Variants in MEAF6 observed in about 807,000 individuals in gnomAD.
The protein encoded by MEAF6 is MYST/Esa1 associated factor 6, also known as chromatin modification-related protein MEAF6.
In MEAF6, 15 loss-of-function variants were observed where a neutral mutation model predicts 28.9. That is an observed-to-expected ratio of 0.52 (90% confidence interval 0.35 to 0.80). The LOEUF (loss-of-function observed/expected upper bound fraction) is 0.80, where lower values mean the gene tolerates loss of function less well. Among genes scored for constraint, MEAF6 ranks in the 30% least tolerant of loss-of-function variants. The pLI is 0.01. For missense variants in MEAF6, 178 were observed against 237.5 expected (o/e 0.75, Z 1.65); for synonymous variants, 97 against 88.7 (o/e 1.09, Z -0.53).
At chr1:37,502,760 G>A (rs942404383) in intron 4 of MEAF6, among the ~76,000 whole-genome samples, 2 of 151,698 alleles carry the variant, frequency 1.3e-5, no homozygotes, top group Non-Finnish European at 2.9e-5. Context: ...TGGGACTGCA[G>A]GTGCCCATAA....
intron 5 of MEAF6, among the ~76,000 whole-genome samples, chr1:37,499,782 G>C (rs1271339686): frequency 6.6e-6 from 1 of 152,154 alleles, no homozygotes; most frequent in Non-Finnish European, 1.5e-5. Flanking sequence ...AAGAAGTATT[G>C]TTCCTATGGA....
Position 37,493,864 on chromosome 1 carries a change from G to T in MEAF6, c.*235C>A. 1.3e-6 allele frequency: 2 copies of T among 1,555,402 alleles called. No homozygotes were observed. The highest frequency in any genetic ancestry group is 1.7e-6 in the Non-Finnish European group (2 of 1,150,658). On this transcript the variant is annotated 3_prime_UTR_variant, in exon 7 of 7. Transcript: ENST00000296214. Reference sequence around the variant, plus strand: ...AGCAACTTGCTGGGATTACAACATTGTCTTCATCTTCCTGCAGTTCTGTTA... The same window carrying T: ...AGCAACTTGCTGGGATTACAACATTTTCTTCATCTTCCTGCAGTTCTGTTA...
chr1:37,490,205 CTAAGTG>C lies in MEAF6; in HGVS notation c.*3888_*3893del, dbSNP rs1481228513. On this transcript the variant is annotated 3_prime_UTR_variant, in exon 7 of 7. Coordinates refer to ENST00000296214, the MANE Select transcript of MEAF6 (RefSeq NM_001270875.3). ...CCTCTTCCCCTTGGAGGCCACTGCC[CTAAGTG>C]AGGATCAGCATCGACTCCACCACAG... Among the ~76,000 whole-genome samples the C allele has an allele frequency of 1.1e-3, 163 of 151,924 alleles. 1 individual carries two copies. Among genetic ancestry groups the C allele is most frequent in the African/African-American group, 3.5e-3 (143 of 41,410 alleles).
In MEAF6 at chr1:37,495,914, C is replaced by T; in HGVS notation, c.538G>A (p.Asp180Asn). The T allele has an allele frequency of 6.2e-7, 1 of 1,613,764 alleles. No individual in the cohort carries two copies. Among genetic ancestry groups the T allele is most frequent in the Non-Finnish European group, 8.5e-7 (1 of 1,179,778 alleles). The change falls in exon 6 of 7, where the codon GAT becomes AAT. Residue 180 changes from aspartate (D) to asparagine (N), a missense_variant. This residue lies in a region of MEAF6 where 124 missense variants were observed against 200.5 expected (regional missense o/e 0.62). Coordinates refer to ENST00000296214, the MANE Select transcript of MEAF6 (RefSeq NM_001270875.3). The stretch of plus-strand genomic sequence containing the variant: ...CGTGGTTTTTTGTTTAACTTCAGAT[C>T]AATCCTGTGACAGAAAAGATAAAAG... ...KRKNKNRHRI[D>N]LKLNKKPRAD...
At chr1:37,504,663 T>C (rs1488404536) in intron 4 of MEAF6, among the ~76,000 whole-genome samples, 8 of 150,454 alleles carry the variant, frequency 5.3e-5, no homozygotes, top group African/African-American at 1.2e-4. Context: ...TCCCAGCTAC[T>C]TGGGAGGCTG....
intron 4 of MEAF6, among the ~76,000 whole-genome samples, chr1:37,507,516 A>G (rs1642526001): frequency 6.6e-6 from 1 of 152,062 alleles, no homozygotes; most frequent in Non-Finnish European, 1.5e-5. Flanking sequence ...AGGACTTGGT[A>G]TAATTGATGA....
intron 5 of MEAF6, 128 bp downstream of exon 5, chr1:37,501,676 G>T: frequency 2.2e-6 from 2 of 925,240 alleles, no homozygotes; most frequent in East Asian, 2.6e-5. Context: ...CGTTCACTTG[G>T]ACCTAATGAC....
chr1:37,491,005 C>G lies in MEAF6; in HGVS notation c.*3094G>C, dbSNP rs12118749. ...TTGTGCCACTGCACTCCAGCCTGGA[C>G]GACAGAGCAAGACTCTGTCTCAAAA... On this transcript the variant is annotated 3_prime_UTR_variant, in exon 7 of 7. Coordinates refer to ENST00000296214, the MANE Select transcript of MEAF6 (RefSeq NM_001270875.3). Among the ~76,000 whole-genome samples the G allele has an allele frequency of 0.053, 8,009 of 151,934 alleles. 262 individuals carry two copies. Among genetic ancestry groups the G allele is most frequent in the South Asian group, 0.14 (658 of 4,798 alleles).
intron 5 of MEAF6, among the ~76,000 whole-genome samples, chr1:37,498,821 T>C (rs760120234): frequency 6.6e-6 from 1 of 152,086 alleles, no homozygotes; most frequent in East Asian, 1.9e-4. Flanking sequence ...TTCAGAACAA[T>C]GTGATCACTT....
intron 5 of MEAF6, chr1:37,496,598 T>C (rs41267301): frequency 1.8e-5 from 27 of 1,518,448 alleles, no homozygotes; most frequent in Non-Finnish European, 2.3e-5. Context: ...TAACCTAATA[T>C]ACATACCTAC....
chr1:37,513,150 T>TA (rs1191185282), intron 2 of MEAF6, among the ~76,000 whole-genome samples: 2 of 152,158 alleles, frequency 1.3e-5, no homozygotes, highest in Non-Finnish European at 2.9e-5. Context: ...TTAAAATGTG[T>TA]AAAAAATTTA....
intron 1 of MEAF6, 96 bp downstream of exon 1, chr1:37,514,561 C>G: frequency 9.7e-6 from 9 of 932,300 alleles, no homozygotes; most frequent in Non-Finnish European, 1.3e-5. Flanking sequence ...GCCGCGCCCC[C>G]GGAGTAACAA....
intron 6 of MEAF6, 80 bp downstream of exon 6, chr1:37,495,805 T>C: frequency 7.2e-7 from 1 of 1,385,680 alleles, no homozygotes; most frequent in Non-Finnish European, 1.0e-6. Context: ...TTAGGAACAC[T>C]CAAGCTCTGA....
chr1:37,500,081 T>C lies in MEAF6; in HGVS notation c.533+1723A>G, dbSNP rs538746804. Among the ~76,000 whole-genome samples the C allele has an allele frequency of 2.4e-4, 36 of 152,252 alleles. 1 individual carries two copies. In the South Asian group the frequency reaches 6.6e-3, roughly 28 times the overall value. ...CAGCACTTTGGGAGGCCGAGGCAGGTGGATCACCTGAGGCCAGTAGTTCAC... is the reference window on the plus strand; with the variant it reads ...CAGCACTTTGGGAGGCCGAGGCAGGCGGATCACCTGAGGCCAGTAGTTCAC... On this transcript the variant is annotated intron_variant, in intron 5 of 6. Coordinates refer to ENST00000296214, the MANE Select transcript of MEAF6 (RefSeq NM_001270875.3).
At chr1:37,503,286 A>AT (rs918814248) in intron 4 of MEAF6, among the ~76,000 whole-genome samples, 4 of 152,154 alleles carry the variant, frequency 2.6e-5, no homozygotes, top group Non-Finnish European at 2.9e-5. Flanking sequence ...CATATTCTCA[A>AT]TTTTAAAACA....
At chr1:37,495,684 C>CAAAAA (rs376230589) in intron 6 of MEAF6, among the ~76,000 whole-genome samples, 39 of 70,470 alleles carry the variant, frequency 5.5e-4, no homozygotes, top group South Asian at 1.3e-3. Flanking sequence ...AACTGTCTCT[C>CAAAAA]AAAAAAAAAA....
intron 4 of MEAF6, among the ~76,000 whole-genome samples, chr1:37,506,710 G>C (rs767189470): frequency 6.6e-6 from 1 of 151,858 alleles, no homozygotes. Flanking sequence ...GTTTTGTTTT[G>C]ACAAGGTCTC....
chr1:37,501,748 AT>A (rs1642310359), intron 5 of MEAF6, 55 bp downstream of exon 5: 1 of 1,423,876 alleles, frequency 7.0e-7, no homozygotes, highest in East Asian at 2.4e-5. Context: ...ATTCTAGGCA[AT>A]TCCCTTCACA....
Position 37,514,701 on chromosome 1 carries a change from G to C in MEAF6, c.46C>G (p.Arg16Gly). The C allele has an allele frequency of 6.5e-7, 1 of 1,543,154 alleles. No individual in the cohort carries two copies. The change falls in exon 1 of 7, where the codon CGG becomes GGG. Residue 16 changes from arginine to glycine, a missense_variant. Arg to Gly is a moderately radical substitution (Grantham distance 125, BLOSUM62 -2). Coordinates refer to ENST00000296214, the MANE Select transcript of MEAF6 (RefSeq NM_001270875.3). The part of the protein sequence containing the change: ...KAAPPQIPDT[R>G]RELAELVKRK... Reference sequence around the variant, plus strand: ...TTCACGAGCTCCGCCAGCTCCCGCCGGGTGTCCGGGATCTGCGGCGGCGCC... The same window carrying C: ...TTCACGAGCTCCGCCAGCTCCCGCCCGGTGTCCGGGATCTGCGGCGGCGCC...
Sources: gnomAD v4.1 joint callset for allele counts (sites outside exome capture counted in the v4.1 genomes callset) on GRCh38, gnomAD v4.1.1 for gene constraint, gnomAD v4.1.1 regional missense constraint, MANE v1.5 for transcripts, NCBI Gene and HGNC (gene_info 2026-07-23, HGNC 2026-07-21) for gene names.